Variants in RFWD3 observed in about 807,000 individuals in gnomAD.
The protein encoded by RFWD3 is ring finger and WD repeat domain 3, also known as E3 ubiquitin-protein ligase RFWD3.
In RFWD3, 65 loss-of-function variants were observed where a neutral mutation model predicts 87.7. The observed-to-expected ratio is 0.74, with a 90% CI of 0.61 to 0.91. The LOEUF is 0.91. Ranked by LOEUF, RFWD3 falls within the 40% of genes least tolerant of loss-of-function variation. The pLI, the probability that RFWD3 is intolerant of heterozygous loss-of-function variation, is 0.00. For synonymous variants in RFWD3, 433 were observed against 352.8 expected, an observed-to-expected ratio of 1.23 and a Z score of -2.55; for missense variants, 1,078 against 938.5, an observed-to-expected ratio of 1.15 and a Z score of -1.94.
intron 10 of RFWD3, among the ~76,000 whole-genome samples, chr16:74,630,519 G>C (rs904140191): frequency 2.6e-5 from 4 of 152,192 alleles, no homozygotes; most frequent in Non-Finnish European, 5.9e-5. Flanking sequence ...TCTGAATATA[G>C]ATCTGACTCT....
chr16:74,633,042 C>T (rs527908200), intron 8 of RFWD3, among the ~76,000 whole-genome samples: 2 of 151,780 alleles, frequency 1.3e-5, no homozygotes, highest in South Asian at 2.1e-4. Context: ...TTTGGGAGGC[C>T]GAGACAGGTG....
intron 11 of RFWD3, among the ~76,000 whole-genome samples, chr16:74,626,879 T>C (rs1246351486): frequency 6.6e-6 from 1 of 152,230 alleles, no homozygotes; most frequent in Non-Finnish European, 1.5e-5. Flanking sequence ...AGGGGATTTC[T>C]CTCTCAAGAA....
chr16:74,660,255 G>A (rs1259980875), intron 2 of RFWD3, among the ~76,000 whole-genome samples: 3 of 152,204 alleles, frequency 2.0e-5, no homozygotes, highest in South Asian at 2.1e-4. Flanking sequence ...GGGCGACAGA[G>A]TGAGACTCCA....
In RFWD3 at chr16:74,626,913, T is replaced by TCCC. The variant is rs1597406935; in HGVS notation, c.1970-362_1970-360dup. Among the ~76,000 whole-genome samples, 5 of 152,246 alleles carry TCCC rather than the reference T, an allele frequency of 3.3e-5. No homozygotes were observed. In the East Asian group the frequency reaches 7.7e-4, roughly 24 times the overall value. On this transcript the variant is annotated intron_variant, in intron 11 of 12. Transcript: ENST00000361070. ...AATTCTCAGTAAAAGGTTTTTCCCT[T>TCCC]CCCCCAGTGAGAACCTCATTAGCCC...
intron 1 of RFWD3, chr16:74,666,545 G>C (rs1961939621): frequency 6.6e-6 from 1 of 152,232 alleles, no homozygotes; most frequent in South Asian, 2.1e-4. Context: ...ATCGCCCCGA[G>C]CTCTCGCCTG....
intron 3 of RFWD3, among the ~76,000 whole-genome samples, chr16:74,650,122 C>T (rs186937203): frequency 6.6e-6 from 1 of 152,280 alleles, no homozygotes; most frequent in East Asian, 1.9e-4. Context: ...TGTTGGTTTA[C>T]TGTTACATAA....
chr16:74,660,656 G>A (rs1268657999), intron 2 of RFWD3: 5 of 319,848 alleles, frequency 1.6e-5, no homozygotes, highest in Non-Finnish European at 2.9e-5. Flanking sequence ...AGTGAAGAAA[G>A]AATTTTTGGT....
chr16:74,643,932 C>T, intron 6 of RFWD3: 1 of 213,026 alleles, frequency 4.7e-6, no homozygotes, highest in Admixed American at 5.1e-5. Context: ...CCACCTTGGC[C>T]TCCCAAAGTG....
chr16:74,636,697 T>C, intron 7 of RFWD3, 120 bp from the exon 8 acceptor site: 1 of 783,536 alleles, frequency 1.3e-6, no homozygotes, highest in South Asian at 1.9e-5. Context: ...TTAACATGAA[T>C]CCTAGAGAAC....
rs529549317 is a variant in RFWD3 at position 74,627,668 on chromosome 16, G to A, written c.1969+784C>T. On this transcript the variant is annotated intron_variant, in intron 11 of 12. Transcript: ENST00000361070. The stretch of plus-strand genomic sequence containing the variant: ...ACACAGTTCAGACAAGAGCCACAAG[G>A]GTACCTGCCAGTACAAACAAGTTTC... 7.2e-5 allele frequency among the ~76,000 whole-genome samples: 11 copies of A among 152,296 alleles called. No homozygotes were observed. In the South Asian group the frequency reaches 1.7e-3, roughly 23 times the overall value.
At chr16:74,628,049 A>G (rs991615588) in intron 11 of RFWD3, among the ~76,000 whole-genome samples, 3 of 152,204 alleles carry the variant, frequency 2.0e-5, no homozygotes, top group African/African-American at 7.2e-5. Flanking sequence ...CCATTTCAGT[A>G]TGCCAGCCGG....
Position 74,630,832 on chromosome 16 carries a change from T to C in RFWD3, c.1703A>G (p.Asp568Gly). ...GLANGSILVY[D>G]VRNTSSHVQE... is the part of the protein sequence containing the mutation. ...CACATGACTGCTCGTGTTTCGCACG[T>C]CATATACCAGAATTGAACCATTGGC... Residue 568 changes from aspartate to glycine, a missense_variant, in exon 10 of 13, where the codon GAC becomes GGC. Asp to Gly is a moderately conservative substitution (Grantham distance 94). Transcript: ENST00000361070. The C allele has an allele frequency of 4.3e-6, 7 of 1,613,614 alleles. No individual in the cohort carries two copies. Among genetic ancestry groups the C allele is most frequent in the Non-Finnish European group, 5.1e-6 (6 of 1,179,844 alleles).
At chr16:74,643,964 A>C (rs936954539) in intron 6 of RFWD3, 1 of 251,868 alleles carries the variant, frequency 4.0e-6, no homozygotes, top group Non-Finnish European at 7.9e-6. Flanking sequence ...GGCGTGAGCC[A>C]CCATGCCCGG....
At position 74,628,526 on chromosome 16, in the gene RFWD3, G is replaced by A; in HGVS notation, c.1895C>T (p.Pro632Leu). The A allele has an allele frequency of 6.2e-7, 1 of 1,614,166 alleles. No individual in the cohort carries two copies. Among genetic ancestry groups the A allele is most frequent in the Non-Finnish European group, 8.5e-7 (1 of 1,180,038 alleles). The change falls in exon 11 of 13, where the codon CCC (proline) becomes CTC (leucine). Residue 632 changes from proline (P) to leucine (L), a missense_variant. Physicochemically the swap from Pro to Leu is moderately conservative, Grantham distance 98 (BLOSUM62 -3). Coordinates refer to ENST00000361070, the MANE Select transcript of RFWD3 (RefSeq NM_018124.4). Reference protein sequence around the residue: ...MDFSHWPHVLPLEPGGCIDFQ... With the variant: ...MDFSHWPHVLLLEPGGCIDFQ... ...GTCTATGCAGCCCCCTGGCTCCAAG[G>A]GCAGCACATGAGGCCAATGAGAAAA... is the stretch of plus-strand genomic sequence containing the variant.
chr16:74,661,512 A>G, intron 1 of RFWD3, 61 bp from the exon 2 acceptor site: 1 of 1,336,162 alleles, frequency 7.5e-7, no homozygotes, highest in Non-Finnish European at 1.0e-6. Flanking sequence ...TATGTAGGTG[A>G]CAGAATCATA....
intron 3 of RFWD3, among the ~76,000 whole-genome samples, chr16:74,650,071 T>C (rs1448024863): frequency 6.6e-6 from 1 of 152,208 alleles, no homozygotes; most frequent in Non-Finnish European, 1.5e-5. Context: ...TCTGTAGACT[T>C]GCCTTTTCTG....
At position 74,623,858 on chromosome 16, in the gene RFWD3, G is replaced by A. The variant is rs1215709592; in HGVS notation, c.*70C>T. On this transcript the variant is annotated 3_prime_UTR_variant, in exon 13 of 13. Coordinates refer to ENST00000361070, the MANE Select transcript of RFWD3 (RefSeq NM_018124.4). ...ACTGCAGACAATAAACAGGGATCTT[G>A]CTTGGGGCTGCTAGGCGCTAGCAAA... 7 of 1,523,738 alleles carry A rather than the reference G, an allele frequency of 4.6e-6. No individual in the cohort carries two copies. The highest frequency in any genetic ancestry group is 6.3e-6 in the Non-Finnish European group (7 of 1,107,978). The allele number at this position is 1,523,738 out of a possible 1,614,324, so 94.4% of individuals were successfully genotyped here.
intron 7 of RFWD3, among the ~76,000 whole-genome samples, 188 bp downstream of exon 7, chr16:74,637,668 C>T (rs1337555172): frequency 1.3e-5 from 2 of 152,060 alleles, no homozygotes; most frequent in African/African-American, 2.4e-5. Flanking sequence ...CTATAGTAGA[C>T]CTCATCATAA....
At chr16:74,648,022 C>A (rs1479190078) in intron 4 of RFWD3, among the ~76,000 whole-genome samples, 1 of 152,142 alleles carries the variant, frequency 6.6e-6, no homozygotes, top group African/African-American at 2.4e-5. Flanking sequence ...TCATGGCTCA[C>A]TGAAGCCTTG....
Sources: gnomAD v4.1 joint callset for allele counts (sites outside exome capture counted in the v4.1 genomes callset) on GRCh38, gnomAD v4.1.1 for gene constraint, MANE v1.5 for transcripts, NCBI Gene and HGNC (gene_info 2026-07-23, HGNC 2026-07-21) for gene names.